NR3C2: variants seen among roughly 807,000 people sequenced by gnomAD.
The protein encoded by NR3C2 is mineralocorticoid receptor.
Under a neutral mutation model 86.4 loss-of-function variants are expected in NR3C2, and 15 were observed. That is an observed-to-expected ratio of 0.17 (90% CI 0.12 to 0.27). The LOEUF (loss-of-function observed/expected upper bound fraction) is 0.27. Ranked by LOEUF, NR3C2 falls within the 10% of genes least tolerant of loss-of-function variation. The pLI is 1.00. For synonymous variants in NR3C2, 458 were observed against 450.5 expected (o/e 1.02, Z -0.21); for missense variants, 960 against 1,195.6 (o/e 0.80, Z 2.91).
intron 3 of NR3C2, among the ~76,000 whole-genome samples, chr4:148,228,504 G>A (rs1188841059): frequency 6.6e-6 from 1 of 152,018 alleles, no homozygotes; most frequent in African/African-American, 2.4e-5. Context: ...GCTTTTCATT[G>A]GGTAGTCTTT....
At chr4:148,120,071 C>A in intron 7 of NR3C2, 87 bp downstream of exon 7, 1 of 1,563,110 alleles carries the variant, frequency 6.4e-7, no homozygotes, top group Non-Finnish European at 8.8e-7. Context: ...TTGGTACCAA[C>A]TACCTGAATA....
In NR3C2 at chr4:148,164,274, T is replaced by C. The variant is rs183985602; in HGVS notation, c.2015-9373A>G. The stretch of plus-strand genomic sequence containing the variant: ...AATTTAACAATTTTATCTGACTAGA[T>C]AGAAATCAATCTAGTCAGTCTGTAT... On this transcript the variant is annotated intron_variant, in intron 4 of 8. Transcript: ENST00000358102. Among the ~76,000 whole-genome samples, 12 of 152,266 alleles carry C rather than the reference T, an allele frequency of 7.9e-5. No homozygotes were observed. The East Asian group carries it at 1.7e-3, about 22-fold the overall frequency.
intron 3 of NR3C2, among the ~76,000 whole-genome samples, chr4:148,226,940 T>C (rs1308192982): frequency 6.6e-6 from 1 of 152,162 alleles, no homozygotes; most frequent in African/African-American, 2.4e-5. Context: ...TTCAAATAAT[T>C]TCAGACTAAC....
At chr4:148,402,750 TTA>T (rs1252580469) in intron 2 of NR3C2, among the ~76,000 whole-genome samples, 1 of 152,170 alleles carries the variant, frequency 6.6e-6, no homozygotes, top group African/African-American at 2.4e-5. Context: ...TGCCTCAATT[TTA>T]TTTAAAAGTC....
chr4:148,251,447 C>T (rs61758931), intron 3 of NR3C2, among the ~76,000 whole-genome samples: 124 of 152,316 alleles, frequency 8.1e-4, no homozygotes, highest in Non-Finnish European at 1.4e-3. Context: ...CATAACTACA[C>T]CACGAGTGCA....
intron 3 of NR3C2, among the ~76,000 whole-genome samples, chr4:148,224,353 T>C (rs1356826244): frequency 6.6e-6 from 1 of 152,226 alleles, no homozygotes; most frequent in African/African-American, 2.4e-5. Flanking sequence ...TATTTCATGA[T>C]ATGACATTCA....
intron 2 of NR3C2, among the ~76,000 whole-genome samples, chr4:148,387,036 T>C (rs1267045772): frequency 6.6e-6 from 1 of 152,142 alleles, no homozygotes; most frequent in Non-Finnish European, 1.5e-5. Context: ...AAACTAAATA[T>C]CTCAACCTCA....
At position 148,263,978 on chromosome 4, in the gene NR3C2, G is replaced by A. The variant is rs72655244; in HGVS notation, c.1758-3861C>T. On this transcript the variant is annotated intron_variant, in intron 2 of 8. Coordinates refer to ENST00000358102, the MANE Select transcript of NR3C2 (RefSeq NM_000901.5). ...CATCTCTGTGTTCCCAACGCCTTTA[G>A]CCCAGTGTTGGTACTATTTATTGAG... is the stretch of plus-strand genomic sequence containing the variant. Among the ~76,000 whole-genome samples the A allele has an allele frequency of 2.9e-3, 441 of 152,262 alleles. 1 individual carries two copies. Among genetic ancestry groups the A allele is most frequent in the African/African-American group, 0.01 (432 of 41,526 alleles).
chr4:148,133,480 T>C (rs17620160), intron 6 of NR3C2, among the ~76,000 whole-genome samples: 18,606 of 152,228 alleles, frequency 0.12, 2,021 homozygotes, highest in East Asian at 0.56. Flanking sequence ...CTTTACTTGA[T>C]AACTTTGTTC....
Position 148,337,035 on chromosome 4 carries a change from T to A in NR3C2, c.1758-76918A>T, listed in dbSNP as rs373813354. Among the ~76,000 whole-genome samples, 14 of 152,278 alleles carry A rather than the reference T, an allele frequency of 9.2e-5. No individual in the cohort carries two copies. The East Asian group carries it at 2.3e-3, about 25-fold the overall frequency. On this transcript the variant is annotated intron_variant, in intron 2 of 8. Transcript: ENST00000358102. Reference sequence around the variant, plus strand: ...GTCTTGAACTCCTAGGCTCAAGTGATCCTCCCACTGTGGCCTCCCAAAGTG... The same window carrying A: ...GTCTTGAACTCCTAGGCTCAAGTGAACCTCCCACTGTGGCCTCCCAAAGTG...
chr4:148,236,998 T>A (rs1738779568), intron 3 of NR3C2, among the ~76,000 whole-genome samples: 1 of 152,226 alleles, frequency 6.6e-6, no homozygotes, highest in African/African-American at 2.4e-5. Context: ...GCCAAAGGAT[T>A]CTCTTTTATA....
At chr4:148,272,248 G>A (rs185533562) in intron 2 of NR3C2, among the ~76,000 whole-genome samples, 9 of 152,208 alleles carry the variant, frequency 5.9e-5, no homozygotes, top group African/African-American at 1.9e-4. Context: ...TGACAATTCC[G>A]CATTACCTCC....
chr4:148,354,879 G>C (rs780776542), intron 2 of NR3C2, among the ~76,000 whole-genome samples: 6 of 151,978 alleles, frequency 3.9e-5, no homozygotes, highest in Non-Finnish European at 7.4e-5. Flanking sequence ...TTGTAGCTAG[G>C]AGAAACATGA....
At chr4:148,326,846 A>T (rs1044312998) in intron 2 of NR3C2, among the ~76,000 whole-genome samples, 6 of 152,196 alleles carry the variant, frequency 3.9e-5, no homozygotes, top group African/African-American at 1.4e-4. Flanking sequence ...TCACAGCTAA[A>T]TATTTTTATT....
chr4:148,127,777 T>G (rs1732821762), intron 6 of NR3C2, among the ~76,000 whole-genome samples: 1 of 152,214 alleles, frequency 6.6e-6, no homozygotes, highest in Admixed American at 6.5e-5. Flanking sequence ...TTCTAAAATA[T>G]TTTTTAAAAA....
chr4:148,363,506 C>CT lies in NR3C2; in HGVS notation c.1757+71597dup, dbSNP rs58978966. Among the ~76,000 whole-genome samples the CT allele has an allele frequency of 5.1e-4, 57 of 110,758 alleles. 8 individuals carry two copies. The highest frequency in any genetic ancestry group is 1.8e-3 in the African/African-American group (53 of 28,858). The allele number at this position is 110,758 out of a possible 152,430, so 72.7% of individuals were successfully genotyped here. A position where few individuals can be genotyped will look rare whatever the true frequency, so the allele number is the denominator to read the frequency against. On this transcript the variant is annotated intron_variant, in intron 2 of 8. Transcript: ENST00000358102. ...TAAAGTCTAGACTTCTCATAGATCT[C>CT]TTTTTTTTTTTTTTTGAGACGGAGT...
intron 4 of NR3C2, among the ~76,000 whole-genome samples, chr4:148,157,419 A>T (rs1400271360): frequency 6.6e-6 from 1 of 152,202 alleles, no homozygotes; most frequent in East Asian, 1.9e-4. Context: ...AGATTCTATT[A>T]TGATTCTCAT....
At chr4:148,389,106 C>T (rs1206274208) in intron 2 of NR3C2, among the ~76,000 whole-genome samples, 1 of 152,204 alleles carries the variant, frequency 6.6e-6, no homozygotes, top group African/African-American at 2.4e-5. Context: ...CCACTTTCAT[C>T]TACCAAGGCA....
At chr4:148,390,063 A>G (rs1352498900) in intron 2 of NR3C2, among the ~76,000 whole-genome samples, 3 of 151,826 alleles carry the variant, frequency 2.0e-5, no homozygotes, top group African/African-American at 4.8e-5. Flanking sequence ...ACACCAGGGG[A>G]GAGGTAACGT....
Sources: gnomAD v4.1 joint callset for allele counts (sites outside exome capture counted in the v4.1 genomes callset) on GRCh38, gnomAD v4.1.1 for gene constraint, MANE v1.5 for transcripts, NCBI Gene and HGNC (gene_info 2026-07-23, HGNC 2026-07-21) for gene names.